Variants in RPS9 observed in about 807,000 individuals in gnomAD.
The protein encoded by RPS9 is ribosomal protein S9, also known as small ribosomal subunit protein uS4.
Under a neutral mutation model 16.9 loss-of-function variants are expected in RPS9, and 1 was observed. That is an observed-to-expected ratio of 0.06 (90% CI 0.02 to 0.28). The LOEUF (loss-of-function observed/expected upper bound fraction) is 0.28, where lower values mean the gene tolerates loss of function less well. Ranked by LOEUF, RPS9 falls within the 10% of genes least tolerant of loss-of-function variation. RPS9 has a pLI of 1.00. For synonymous variants in RPS9, 106 were observed against 110.9 expected, an observed-to-expected ratio of 0.96 and a Z score of 0.28; for missense variants, 137 against 273.2, an observed-to-expected ratio of 0.50 and a Z score of 3.51.
intron 3 of RPS9, among the ~76,000 whole-genome samples, chr19:54,205,267 A>G (rs2077199834): frequency 1.3e-5 from 2 of 152,046 alleles, no homozygotes; most frequent in South Asian, 4.1e-4. Flanking sequence ...GGGCAAGGGC[A>G]GTCCAGAGTA....
intron 3 of RPS9, chr19:54,203,282 A>G: frequency 6.1e-6 from 6 of 985,396 alleles, no homozygotes; most frequent in Non-Finnish European, 7.2e-6. Context: ...TCAGGTGAGT[A>G]CACTTTCTAG....
intron 3 of RPS9, chr19:54,202,800 A>G: frequency 2.0e-6 from 2 of 985,396 alleles, no homozygotes; most frequent in Non-Finnish European, 2.4e-6. Flanking sequence ...TTAGGCGTTG[A>G]GAAAGTCCTG....
At chr19:54,200,911 T>C in intron 1 of RPS9, 23 bp downstream of exon 1, 1 of 1,351,496 alleles carries the variant, frequency 7.4e-7, no homozygotes, top group Non-Finnish European at 9.5e-7. Context: ...GGTGTGCTTT[T>C]TCTCTAGGGT....
chr19:54,201,781 T>C, intron 3 of RPS9, 172 bp downstream of exon 3: 1 of 1,382,032 alleles, frequency 7.2e-7, no homozygotes, highest in East Asian at 2.5e-5. Flanking sequence ...GATCAGTCTT[T>C]GCCCTGTTTC....
chr19:54,205,136 G>C (rs1006130316), intron 3 of RPS9, among the ~76,000 whole-genome samples: 3 of 152,032 alleles, frequency 2.0e-5, no homozygotes, highest in Admixed American at 1.3e-4. Flanking sequence ...GTGCACATAA[G>C]GAAAAAAGGT....
chr19:54,206,238 C>T (rs1486964760), intron 3 of RPS9, 38 bp from the exon 4 acceptor site: 4 of 1,599,048 alleles, frequency 2.5e-6, no homozygotes, highest in Admixed American at 1.7e-5. Flanking sequence ...AGCCTGAGGT[C>T]AGAAGGCGGA....
At chr19:54,202,626 C>T (rs1279792310) in intron 3 of RPS9, 12 of 985,354 alleles carry the variant, frequency 1.2e-5, no homozygotes, top group Non-Finnish European at 1.2e-5. Flanking sequence ...CTCTGAGATG[C>T]GGTGTTATTG....
chr19:54,201,711 A>C, intron 3 of RPS9, 102 bp downstream of exon 3: 4 of 1,541,946 alleles, frequency 2.6e-6, no homozygotes, highest in Non-Finnish European at 3.5e-6. Flanking sequence ...GTGTCATTGG[A>C]TAAATGGAAC....
At chr19:54,203,015 A>G in intron 3 of RPS9, 1 of 984,604 alleles carries the variant, frequency 1.0e-6, no homozygotes. Context: ...TCTTTTCGTC[A>G]ATTTGTAGAC....
At chr19:54,200,945 C>T (rs2077020428) in intron 1 of RPS9, 57 bp downstream of exon 1, 1 of 1,406,886 alleles carries the variant, frequency 7.1e-7, no homozygotes, top group Non-Finnish European at 9.2e-7. Flanking sequence ...TGGCCCGGGC[C>T]TTCCGAGTTT....
intron 3 of RPS9, among the ~76,000 whole-genome samples, chr19:54,202,225 C>T (rs576724602): frequency 1.7e-4 from 26 of 152,112 alleles, no homozygotes; most frequent in African/African-American, 6.3e-4. Flanking sequence ...CGCTCCATTG[C>T]CCATGCTGGA....
chr19:54,206,722 C>T, intron 4 of RPS9: 1 of 1,489,872 alleles, frequency 6.7e-7, no homozygotes, highest in East Asian at 2.5e-5. Flanking sequence ...GGCAGCTGGA[C>T]AGGTAACAGC....
At chr19:54,205,759 C>G (rs962731586) in intron 3 of RPS9, among the ~76,000 whole-genome samples, 1 of 152,162 alleles carries the variant, frequency 6.6e-6, no homozygotes, top group Admixed American at 6.5e-5. Context: ...ATTTTGCCCT[C>G]CTGTCATCTG....
At chr19:54,201,645 C>G in intron 3 of RPS9, 36 bp downstream of exon 3, 1 of 1,612,574 alleles carries the variant, frequency 6.2e-7, no homozygotes, top group Non-Finnish European at 8.5e-7. Context: ...GGATGGGGTG[C>G]AGGGCTTGTG....
At chr19:54,201,366 G>A in intron 2 of RPS9, 85 bp downstream of exon 2, 2 of 1,608,440 alleles carry the variant, frequency 1.2e-6, no homozygotes, top group Non-Finnish European at 1.7e-6. Context: ...ACTCTATCTA[G>A]TCCGTCCCCT....
chr19:54,201,037 C>T, intron 1 of RPS9, 123 bp from the exon 2 acceptor site: 7 of 1,483,686 alleles, frequency 4.7e-6, no homozygotes, highest in Non-Finnish European at 6.3e-6. Flanking sequence ...CAGATACTGA[C>T]TATGAGAGCG....
At chr19:54,205,897 A>G (rs906823503) in intron 3 of RPS9, among the ~76,000 whole-genome samples, 1 of 151,996 alleles carries the variant, frequency 6.6e-6, no homozygotes, top group African/African-American at 2.4e-5. Flanking sequence ...GGTCACTGCA[A>G]CCTCCGCCTC....
intron 4 of RPS9, 112 bp downstream of exon 4, chr19:54,206,574 A>C: frequency 6.4e-7 from 1 of 1,557,096 alleles, no homozygotes. Context: ...GATGGGTGTG[A>C]ACTCACCCAG....
chr19:54,201,859 G>T, intron 3 of RPS9: 1 of 689,644 alleles, frequency 1.5e-6, no homozygotes, highest in Non-Finnish European at 2.3e-6. Context: ...CTAAAGATAG[G>T]CCTGGCACAC....
Sources: allele counts gnomAD v4.1 joint callset (sites outside exome capture counted in the v4.1 genomes callset), GRCh38; gene constraint gnomAD v4.1.1; transcripts MANE v1.5; gene names NCBI Gene and HGNC (gene_info 2026-07-23, HGNC 2026-07-21).